The following CELSR1 variants were observed in gnomAD, a reference collection of about 807,000 sequenced individuals.
CELSR1 encodes the protein adhesion G protein-coupled receptor C1.
Under a neutral mutation model 249.1 loss-of-function variants are expected in CELSR1, and 110 were observed. That is an observed-to-expected ratio of 0.44 (90% CI 0.38 to 0.52). The LOEUF (loss-of-function observed/expected upper bound fraction) is 0.52. CELSR1 is among the 20% of genes least tolerant of loss of function. The pLI is 0.00. For missense variants in CELSR1, 4,109 were observed against 4,296.4 expected (o/e 0.96, Z 1.22); for synonymous variants, 2,113 against 1,900.0 (o/e 1.11, Z -2.92).
chr22:46,364,525 T>C lies in CELSR1; in HGVS notation c.8766A>G (p.Pro2922=). ...CTCCCCAGGCACCTTTCCTCTGCTCTGGGGGCTGGCTGCTAGCAAGCCTGG... is the reference window on the plus strand; with the variant it reads ...CTCCCCAGGCACCTTTCCTCTGCTCCGGGGGCTGGCTGCTAGCAAGCCTGG... ...GAARLASSQP[P]EQRKGILKNK... Residue 2922 remains proline, a synonymous_variant, in exon 33 of 35, where the codon CCA becomes CCG. Coordinates refer to ENST00000674500, the MANE Select transcript of CELSR1 (RefSeq NM_001378328.1). 1.2e-6 allele frequency: 2 copies of C among 1,611,000 alleles called. No individual in the cohort carries two copies. The highest frequency in any genetic ancestry group is 1.7e-6 in the Non-Finnish European group (2 of 1,179,550).
In CELSR1 at chr22:46,430,082, T is replaced by C. The variant is rs530432101; in HGVS notation, c.4611+3311A>G. Reference sequence around the variant, plus strand: ...CCCCGCAGGTTGCACGTGGAGGCAGTGCAGGAGGCCACTCTGACAGGCAAC... The same window carrying C: ...CCCCGCAGGTTGCACGTGGAGGCAGCGCAGGAGGCCACTCTGACAGGCAAC... On this transcript the variant is annotated intron_variant, in intron 5 of 34. Transcript: ENST00000674500. This position sits in a 1 kb window ranked among gnomAD's most constrained non-coding sequence, Gnocchi z 4.6. Among the ~76,000 whole-genome samples the C allele has an allele frequency of 5.8e-4, 88 of 152,286 alleles. 1 individual carries two copies. The highest frequency in any genetic ancestry group is 2.0e-3 in the African/African-American group (82 of 41,562).
At position 46,512,413 on chromosome 22, in the gene CELSR1, T is replaced by C. The variant is rs2080582920; in HGVS notation, c.3544+21214A>G. On this transcript the variant is annotated intron_variant, in intron 1 of 34. Coordinates refer to ENST00000674500, the MANE Select transcript of CELSR1 (RefSeq NM_001378328.1). The surrounding 1 kb of genome is among the most constrained non-coding windows in gnomAD (Gnocchi z 5.2). The stretch of plus-strand genomic sequence containing the variant: ...TGGTGAAACCCCATCTCTACTAAAA[T>C]ACAAAAAAATTAGCCCGGTGTGGTG... Among the ~76,000 whole-genome samples, 1 of 151,938 alleles carries C rather than the reference T, an allele frequency of 6.6e-6. No homozygotes were observed. Among genetic ancestry groups the C allele is most frequent in the African/African-American group, 2.4e-5 (1 of 41,342 alleles).
Position 46,409,143 on chromosome 22 carries a change from G to C in CELSR1, c.5079C>G (p.Leu1693=), listed in dbSNP as rs1427090143. Residue 1693 remains leucine (L), a synonymous_variant, in exon 9 of 35, where the codon CTC becomes CTG. Transcript: ENST00000674500. This position sits in a 1 kb window ranked among gnomAD's most constrained non-coding sequence, Gnocchi z 9.8. ...AGGACACGACGCTCTCACCGCTGAA[G>C]AGCTGGGGGTGAGGCATGGCTGCGG... ...NCEQAMPHPQ[L]FSGESVVSWS... is the part of the protein sequence containing the mutation. 1.9e-6 allele frequency: 3 copies of C among 1,613,198 alleles called. No homozygotes were observed. Among genetic ancestry groups the C allele is most frequent in the East Asian group, 4.5e-5 (2 of 44,882 alleles).
In CELSR1 at chr22:46,411,812, C is replaced by T; in HGVS notation, c.4612-53G>A. 6.2e-7 allele frequency: 1 copy of T among 1,606,812 alleles called. No individual in the cohort carries two copies. The highest frequency in any genetic ancestry group is 1.1e-5 in the South Asian group (1 of 90,872). On this transcript the variant is annotated intron_variant, in intron 5 of 34. Transcript: ENST00000674500. The surrounding 1 kb of genome is among the most constrained non-coding windows in gnomAD (Gnocchi z 4.2). ...TCAGCGTTTTCTCCACCAGTGCCCT[C>T]AGCAGGCGCACCTGTCACTCATAGA...
rs2079307771 is a variant in CELSR1 at position 46,409,606 on chromosome 22, G to A, written c.5059+149C>T. 2 of 912,682 alleles carry A rather than the reference G, an allele frequency of 2.2e-6. No homozygotes were observed. Among genetic ancestry groups the A allele is most frequent in the South Asian group, 3.1e-5 (2 of 64,604 alleles). The allele number at this position is 912,682 out of a possible 1,614,324, so 56.5% of individuals were successfully genotyped here. A position where few individuals can be genotyped will look rare whatever the true frequency, so the allele number is the denominator to read the frequency against. On this transcript the variant is annotated intron_variant, in intron 8 of 34. Transcript: ENST00000674500. This position sits in a 1 kb window ranked among gnomAD's most constrained non-coding sequence, Gnocchi z 9.8. Reference sequence around the variant, plus strand: ...TGCGGAGGACAGTCTCTTGGAGAGGGCGGTGTGAGTCCACAGTAAATGCAG... The same window carrying A: ...TGCGGAGGACAGTCTCTTGGAGAGGACGGTGTGAGTCCACAGTAAATGCAG...
intron 1 of CELSR1, among the ~76,000 whole-genome samples, chr22:46,523,443 G>A (rs1259932748): frequency 2.0e-5 from 3 of 151,988 alleles, no homozygotes; most frequent in South Asian, 2.1e-4. Flanking sequence ...CACGAGAATC[G>A]CTTGAACTTG....
In CELSR1 at chr22:46,362,156, T is replaced by TAAGGTCC. The variant is rs1351278052; in HGVS notation, c.*1060_*1066dup. On this transcript the variant is annotated 3_prime_UTR_variant, in exon 35 of 35. Transcript: ENST00000674500. ...TCCAAATCAGGAACCTGCAACGCTT[T>TAAGGTCC]AAGGTCCCAGGTCCCACGGGGAGCA... The TAAGGTCC allele has an allele frequency of 6.6e-6, 1 of 152,258 alleles. No individual in the cohort carries two copies. The highest frequency in any genetic ancestry group is 2.1e-4 in the South Asian group (1 of 4,834). The allele number at this position is 152,258 out of a possible 1,614,324, so 9.4% of individuals were successfully genotyped here. A position where few individuals can be genotyped will look rare whatever the true frequency, so the allele number is the denominator to read the frequency against.
In CELSR1 at chr22:46,432,441, G is replaced by A. The variant is rs888116801; in HGVS notation, c.4611+952C>T. ...CTTAGGCCCCAGCCTTGTGAAGTCC[G>A]GGAAGCGGGGCACAGCGGGGGTGGC... On this transcript the variant is annotated intron_variant, in intron 5 of 34. Coordinates refer to ENST00000674500, the MANE Select transcript of CELSR1 (RefSeq NM_001378328.1). Among the ~76,000 whole-genome samples the A allele has an allele frequency of 3.3e-5, 5 of 152,316 alleles. No homozygotes were observed. The South Asian group carries it at 6.2e-4, about 19-fold the overall frequency.
rs1285024473 is a variant in CELSR1 at position 46,533,842 on chromosome 22, T to G, written c.3329A>C (p.Asn1110Thr). Reference sequence around the variant, plus strand: ...ACTGTTGGACTTGTTGGTGACATAGTTGTTGAAGAGGATCTGGAAGTCGGG... The same window carrying G: ...ACTGTTGGACTTGTTGGTGACATAGGTGTTGAAGAGGATCTGGAAGTCGGG... Reference protein sequence around the residue: ...VLPDFQILFNNYVTNKSNSFP... With the variant: ...VLPDFQILFNTYVTNKSNSFP... Residue 1110 changes from asparagine to threonine, a missense_variant, in exon 1 of 35, where the codon AAC becomes ACC. Asn to Thr is a moderately conservative substitution (Grantham distance 65, BLOSUM62 0). Coordinates refer to ENST00000674500, the MANE Select transcript of CELSR1 (RefSeq NM_001378328.1). The G allele has an allele frequency of 6.2e-7, 1 of 1,613,864 alleles. No homozygotes were observed. Among genetic ancestry groups the G allele is most frequent in the Non-Finnish European group, 8.5e-7 (1 of 1,180,004 alleles).
chr22:46,379,050 T>A (rs2078949618), intron 22 of CELSR1, among the ~76,000 whole-genome samples: 1 of 152,214 alleles, frequency 6.6e-6, no homozygotes, highest in Non-Finnish European at 1.5e-5. Context: ...CTACGTGCCA[T>A]CTAGCAGCAA....
chr22:46,364,340 CCT>C lies in CELSR1; in HGVS notation c.8780-91_8780-90del, dbSNP rs997078338. ...GTGTGCAGCTGAGCCAGCCTCAGCC[CCT>C]GTCCTTCCTCCTGGTTCCCCGGGTC... On this transcript the variant is annotated intron_variant, in intron 33 of 34. Coordinates refer to ENST00000674500, the MANE Select transcript of CELSR1 (RefSeq NM_001378328.1). 27 of 1,547,716 alleles carry C rather than the reference CCT, an allele frequency of 1.7e-5. No individual in the cohort carries two copies. In the Middle Eastern group the frequency reaches 1.0e-3, roughly 59 times the overall value.
rs1414886185 is a variant in CELSR1, at chr22:46,399,947, G to T, written c.5227-45C>A. On this transcript the variant is annotated intron_variant, in intron 9 of 34. Transcript: ENST00000674500. This position sits in a 1 kb window ranked among gnomAD's most constrained non-coding sequence, Gnocchi z 5.0. ...ACCGACTGATTGGTACAATGACAAT[G>T]AAAGAGAAAACATTTTGCAGTCACT... 1 of 1,582,646 alleles carries T rather than the reference G, an allele frequency of 6.3e-7. No individual in the cohort carries two copies. The highest frequency in any genetic ancestry group is 8.6e-7 in the Non-Finnish European group (1 of 1,157,010).
At position 46,437,510 on chromosome 22, in the gene CELSR1, C is replaced by T. The variant is rs2079677351; in HGVS notation, c.4407-1221G>A. Among the ~76,000 whole-genome samples, 1 of 152,206 alleles carries T rather than the reference C, an allele frequency of 6.6e-6. No homozygotes were observed. Among genetic ancestry groups the T allele is most frequent in the South Asian group, 2.1e-4 (1 of 4,830 alleles). On this transcript the variant is annotated intron_variant, in intron 3 of 34. Coordinates refer to ENST00000674500, the MANE Select transcript of CELSR1 (RefSeq NM_001378328.1). This position sits in a 1 kb window ranked among gnomAD's most constrained non-coding sequence, Gnocchi z 4.9. ...GTGGCTCACGCCTGTAATCCCAGCA[C>T]TTTGGGAGGCCGAGGTGGGTGGATC...
At position 46,448,425 on chromosome 22, in the gene CELSR1, A is replaced by G; in HGVS notation, c.4184-9014T>C. On this transcript the variant is annotated intron_variant, in intron 2 of 34. Coordinates refer to ENST00000674500, the MANE Select transcript of CELSR1 (RefSeq NM_001378328.1). The surrounding 1 kb of genome is among the most constrained non-coding windows in gnomAD (Gnocchi z 5.7). ...CTCAGGGCTCACCTAGAGAGGGGGC[A>G]CAGCAGGCAGAGAACCTCAGGACCT... 3.3e-6 allele frequency: 1 copy of G among 306,230 alleles called. No individual in the cohort carries two copies. Among genetic ancestry groups the G allele is most frequent in the Non-Finnish European group, 6.4e-6 (1 of 157,226 alleles). The allele number at this position is 306,230 out of a possible 1,614,324, so 19.0% of individuals were successfully genotyped here. A position where few individuals can be genotyped will look rare whatever the true frequency, so the allele number is the denominator to read the frequency against.
intron 1 of CELSR1, among the ~76,000 whole-genome samples, chr22:46,492,776 T>C (rs5768832): frequency 0.45 from 68,263 of 151,692 alleles, 17,726 homozygotes; most frequent in African/African-American, 0.73. Flanking sequence ...AGGAGGACAG[T>C]AGAGGTTGCC....
Position 46,464,462 on chromosome 22 carries a change from TC to T in CELSR1, c.3545-118del. ...GGCAAAGGAGAAGAGAGCCTGGGCA[TC>T]CCCACTCCCCATTCCCCACCCATGA... On this transcript the variant is annotated intron_variant, in intron 1 of 34. Transcript: ENST00000674500. This position sits in a 1 kb window ranked among gnomAD's most constrained non-coding sequence, Gnocchi z 8.5. 9.7e-7 allele frequency: 1 copy of T among 1,031,806 alleles called. No individual in the cohort carries two copies. Among genetic ancestry groups the T allele is most frequent in the Non-Finnish European group, 1.4e-6 (1 of 719,846 alleles). 63.9% of individuals were successfully genotyped at this position (1,031,806 alleles called of 1,614,324 possible). A position where few individuals can be genotyped will look rare whatever the true frequency, so the allele number is the denominator to read the frequency against.
Position 46,396,547 on chromosome 22 carries a change from AG to A in CELSR1, c.5843+57del. On this transcript the variant is annotated intron_variant, in intron 13 of 34. Coordinates refer to ENST00000674500, the MANE Select transcript of CELSR1 (RefSeq NM_001378328.1). The surrounding 1 kb of genome is among the most constrained non-coding windows in gnomAD (Gnocchi z 6.4). ...ATAAGAAAGAGAAGACACTGAGTCG[AG>A]GGAACACAGCCACATGGACTCTGAA... is the stretch of plus-strand genomic sequence containing the variant. The A allele has an allele frequency of 3.5e-6, 5 of 1,432,268 alleles. No homozygotes were observed. In the South Asian group the frequency reaches 8.2e-5, roughly 24 times the overall value. The allele number at this position is 1,432,268 out of a possible 1,614,324, so 88.7% of individuals were successfully genotyped here. A position where few individuals can be genotyped will look rare whatever the true frequency, so the allele number is the denominator to read the frequency against.
chr22:46,369,266 C>CA lies in CELSR1; in HGVS notation c.7873-9dup. 1 of 1,264,944 alleles carries CA rather than the reference C, an allele frequency of 7.9e-7. No individual in the cohort carries two copies. Among genetic ancestry groups the CA allele is most frequent in the Non-Finnish European group, 1.1e-6 (1 of 930,870 alleles). The allele number at this position is 1,264,944 out of a possible 1,614,324, so 78.4% of individuals were successfully genotyped here. The stretch of plus-strand genomic sequence containing the variant: ...AGAAGTGACTGTGTTGATCTGAAAA[C>CA]AAAACAAGCCGATCAATGTCTTCTC... On this transcript the variant is annotated splice_polypyrimidine_tract_variant and intron_variant, in intron 26 of 34. Transcript: ENST00000674500.
At chr22:46,515,773 C>G (rs560376824) in intron 1 of CELSR1, among the ~76,000 whole-genome samples, 5 of 152,276 alleles carry the variant, frequency 3.3e-5, no homozygotes, top group South Asian at 4.1e-4. Context: ...GAAGGCAGCC[C>G]CGGCAGGAGG....
Sources: gnomAD v4.1 joint callset for allele counts (sites outside exome capture counted in the v4.1 genomes callset) on GRCh38, gnomAD v4.1.1 for gene constraint, Gnocchi (gnomAD v3.1) non-coding constraint, MANE v1.5 for transcripts, NCBI Gene and HGNC (gene_info 2026-07-23, HGNC 2026-07-21) for gene names.